PHLPP1: variants seen among roughly 807,000 people sequenced by gnomAD.
The protein encoded by PHLPP1 is PH domain leucine-rich repeat-containing protein phosphatase 1.
PHLPP1 carries 42 observed loss-of-function variants against 117.2 expected under a neutral mutation model. The ratio of observed to expected loss-of-function variants is 0.36; its 90% confidence interval spans 0.28 to 0.46. The LOEUF (loss-of-function observed/expected upper bound fraction) is 0.46, where lower values mean the gene tolerates loss of function less well. PHLPP1 is among the 20% of genes least tolerant of loss of function. The probability of loss-of-function intolerance (pLI) is 1.00; values close to 1 mark genes in which losing one functional copy is unlikely to be tolerated. For synonymous variants in PHLPP1, 1,042 were observed against 970.7 expected, an observed-to-expected ratio of 1.07 and a Z score of -1.37; for missense variants, 2,084 against 2,241.9, an observed-to-expected ratio of 0.93 and a Z score of 1.42.
At chr18:62,770,993 T>G (rs999989108) in intron 1 of PHLPP1, among the ~76,000 whole-genome samples, 4 of 151,814 alleles carry the variant, frequency 2.6e-5, no homozygotes, top group Non-Finnish European at 5.9e-5. Flanking sequence ...CCGAGGTGGG[T>G]GGATCACCTG....
intron 3 of PHLPP1, among the ~76,000 whole-genome samples, chr18:62,859,175 G>A (rs1054187097): frequency 4.6e-5 from 7 of 152,242 alleles, no homozygotes; most frequent in African/African-American, 1.7e-4. Flanking sequence ...GATAAATAGG[G>A]AGAATTAACC....
In PHLPP1 at chr18:62,975,408, C is replaced by G; in HGVS notation, c.3767C>G (p.Thr1256Ser). The G allele has an allele frequency of 1.2e-6, 2 of 1,612,836 alleles. No individual in the cohort carries two copies. The highest frequency in any genetic ancestry group is 1.7e-6 in the Non-Finnish European group (2 of 1,179,238). Residue 1256 changes from threonine (T) to serine (S), a missense_variant, in exon 16 of 17, where the codon ACT (threonine) becomes AGT (serine). By Grantham distance (58) the Thr-to-Ser change is moderately conservative. Around this residue, in one of 2 missense-constraint regions of PHLPP1, gnomAD observed 1,365 missense variants for 1,605.9 expected, o/e 0.85. Transcript: ENST00000262719. ...TFIVMQRKLG[T>S]AGQKLGGAAV... is the part of the protein sequence containing the mutation. ...TCTTCGGATTCCAGGAAACTTGGAA[C>G]TGCTGGGCAGAAGCTTGGTGGTGCC...
intron 1 of PHLPP1, among the ~76,000 whole-genome samples, chr18:62,725,020 G>T (rs1174178818): frequency 1.3e-5 from 2 of 152,032 alleles, no homozygotes; most frequent in Non-Finnish European, 1.5e-5. Flanking sequence ...AAATAATTTG[G>T]GAGAAAAATT....
intron 3 of PHLPP1, among the ~76,000 whole-genome samples, chr18:62,858,326 G>A (rs1399063053): frequency 1.4e-5 from 2 of 148,042 alleles, no homozygotes; most frequent in African/African-American, 5.0e-5. Context: ...GCAATGGCAC[G>A]ATCTCAGCTC....
rs977891017 is a variant in PHLPP1, at chr18:62,865,376, C to CT, written c.2066+4785dup. 1.7e-3 allele frequency among the ~76,000 whole-genome samples: 258 copies of CT among 148,944 alleles called. 1 individual carries two copies. Among genetic ancestry groups the CT allele is most frequent in the Non-Finnish European group, 3.1e-3 (207 of 66,948 alleles). On this transcript the variant is annotated intron_variant, in intron 4 of 16. Coordinates refer to ENST00000262719, the MANE Select transcript of PHLPP1 (RefSeq NM_194449.4). ...GCACTACAACAGTAAAGTTAATATG[C>CT]TTTTTTTTTTCTTTTTGGCTGAAAG...
At chr18:62,895,746 T>G (rs1225326696) in intron 5 of PHLPP1, 35 bp from the exon 6 acceptor site, 1 of 1,238,730 alleles carries the variant, frequency 8.1e-7, no homozygotes. Flanking sequence ...AAAATTTATA[T>G]GTTCTCTTTG....
rs188485753 is a variant in PHLPP1 at position 62,874,430 on chromosome 18, C to T, written c.2066+13829C>T. Among the ~76,000 whole-genome samples the T allele has an allele frequency of 5.3e-5, 8 of 151,828 alleles. No homozygotes were observed. The East Asian group carries it at 1.6e-3, about 30-fold the overall frequency. ...AGGCTGAGGCATGAGAATCGCCTGACCCTGGGAGACAGAGGTTGCAGTGAG... is the reference window on the plus strand; with the variant it reads ...AGGCTGAGGCATGAGAATCGCCTGATCCTGGGAGACAGAGGTTGCAGTGAG... On this transcript the variant is annotated intron_variant, in intron 4 of 16. Transcript: ENST00000262719.
intron 1 of PHLPP1, among the ~76,000 whole-genome samples, chr18:62,815,235 G>C (rs1914238017): frequency 6.7e-6 from 1 of 148,968 alleles, no homozygotes; most frequent in South Asian, 2.1e-4. Flanking sequence ...TCTGCTCACT[G>C]CAAGCTCTGC....
intron 1 of PHLPP1, among the ~76,000 whole-genome samples, chr18:62,748,619 T>C (rs1186241508): frequency 6.6e-6 from 1 of 152,230 alleles, no homozygotes; most frequent in Non-Finnish European, 1.5e-5. Context: ...TTATTTCTAA[T>C]AGTGACTTCT....
At chr18:62,933,020 A>G (rs79748062) in intron 10 of PHLPP1, among the ~76,000 whole-genome samples, 5,114 of 152,272 alleles carry the variant, frequency 0.034, 156 homozygotes, top group South Asian at 0.064. Flanking sequence ...CAATAGCAAA[A>G]AAATGAAATA....
chr18:62,975,651 G>C (rs759112652), intron 16 of PHLPP1, 26 bp downstream of exon 16: 3 of 1,495,186 alleles, frequency 2.0e-6, no homozygotes, highest in Non-Finnish European at 2.8e-6. Context: ...TGTTGCCCAG[G>C]ATGGTGGAGA....
At chr18:62,975,816 C>T (rs1227328209) in intron 16 of PHLPP1, among the ~76,000 whole-genome samples, 191 bp downstream of exon 16, 2 of 152,226 alleles carry the variant, frequency 1.3e-5, no homozygotes, top group Non-Finnish European at 1.5e-5. Flanking sequence ...TTGGTTGCCT[C>T]TCTGCATCAG....
intron 4 of PHLPP1, among the ~76,000 whole-genome samples, chr18:62,862,720 G>A (rs962814297): frequency 2.6e-5 from 4 of 152,182 alleles, no homozygotes. Flanking sequence ...TGCACCAGAA[G>A]TGTTTTTTGT....
chr18:62,858,111 A>G (rs1231624726), intron 3 of PHLPP1, among the ~76,000 whole-genome samples: 1 of 152,222 alleles, frequency 6.6e-6, no homozygotes, highest in African/African-American at 2.4e-5. Context: ...GAAAATTCAC[A>G]GAAAGATAAA....
chr18:62,828,550 A>G (rs1914671026), intron 1 of PHLPP1, among the ~76,000 whole-genome samples: 1 of 152,208 alleles, frequency 6.6e-6, no homozygotes, highest in South Asian at 2.1e-4. Context: ...TTTATAAAAC[A>G]TTTTGATATG....
intron 1 of PHLPP1, among the ~76,000 whole-genome samples, chr18:62,747,922 G>A (rs918811372): frequency 3.9e-5 from 6 of 151,962 alleles, no homozygotes; most frequent in African/African-American, 1.5e-4. Flanking sequence ...AGATTTTATC[G>A]TATAATTGTC....
chr18:62,973,865 A>G (rs986686714), intron 15 of PHLPP1, among the ~76,000 whole-genome samples: 1 of 152,220 alleles, frequency 6.6e-6, no homozygotes, highest in Non-Finnish European at 1.5e-5. Flanking sequence ...CAGTGAGGTG[A>G]AGCACAGTGC....
At chr18:62,913,738 TC>T (rs59309934) in intron 8 of PHLPP1, among the ~76,000 whole-genome samples, 9,893 of 88,626 alleles carry the variant, frequency 0.11, 371 homozygotes, top group African/African-American at 0.14. Context: ...TCTCTCTCTC[TC>T]TTTTTTTTTT....
At chr18:62,913,918 A>AT (rs992097606) in intron 8 of PHLPP1, among the ~76,000 whole-genome samples, 6 of 151,462 alleles carry the variant, frequency 4.0e-5, no homozygotes, top group African/African-American at 1.5e-4. Flanking sequence ...TAATTTTTGT[A>AT]TTTTTTTAGT....
Sources: gnomAD v4.1 joint callset for allele counts (sites outside exome capture counted in the v4.1 genomes callset) on GRCh38, gnomAD v4.1.1 for gene constraint, gnomAD v4.1.1 regional missense constraint, MANE v1.5 for transcripts, NCBI Gene and HGNC (gene_info 2026-07-23, HGNC 2026-07-21) for gene names.